SNX25: variants seen among roughly 807,000 people sequenced by gnomAD.
SNX25 encodes sorting nexin 25, also known as sorting nexin-25.
SNX25 carries 62 observed loss-of-function variants against 113.7 expected under a neutral mutation model. The ratio of observed to expected loss-of-function variants is 0.55; its 90% CI spans 0.44 to 0.67. The LOEUF is 0.67. Among genes scored for constraint, SNX25 ranks in the 30% least tolerant of loss-of-function variants. The pLI is 0.00. For missense variants in SNX25, 1,014 were observed against 1,161.0 expected (o/e 0.87, Z 1.84); for synonymous variants, 421 against 436.2 (o/e 0.97, Z 0.43).
chr4:185,378,641 T>C, the SNX25 span: 1 of 988,108 alleles, frequency 1.0e-6, no homozygotes, highest in Non-Finnish European at 1.2e-6. Flanking sequence ...TTGTCTATTT[T>C]ACCTGGGAAT....
chr4:185,225,057 T>C (rs967855846), intron 1 of SNX25, among the ~76,000 whole-genome samples: 1 of 152,166 alleles, frequency 6.6e-6, no homozygotes, highest in Non-Finnish European at 1.5e-5. Context: ...AAAATACATA[T>C]GAGATCTATG....
chr4:185,205,122 T>G (rs1310238088), upstream of SNX25, among the ~76,000 whole-genome samples: 3 of 152,246 alleles, frequency 2.0e-5, no homozygotes, highest in Non-Finnish European at 4.4e-5. Context: ...TTGTTGGTCT[T>G]AATTACCAAA....
intron 7 of SNX25, among the ~76,000 whole-genome samples, chr4:185,311,673 A>T (rs2095031384): frequency 6.6e-6 from 1 of 151,944 alleles, no homozygotes. Flanking sequence ...CTCTAACCTC[A>T]CTTGTTCTGA....
chr4:185,239,468 T>C (rs55916162), intron 1 of SNX25, among the ~76,000 whole-genome samples: 3,057 of 152,126 alleles, frequency 0.02, 79 homozygotes, highest in African/African-American at 0.066. Flanking sequence ...GGCAACAGAG[T>C]GAGACTCCGT....
chr4:185,349,667 T>A (rs2095305809), intron 13 of SNX25, among the ~76,000 whole-genome samples: 1 of 152,220 alleles, frequency 6.6e-6, no homozygotes, highest in Non-Finnish European at 1.5e-5. Context: ...ATACCTGTTT[T>A]CCATTTTTAT....
chr4:185,277,517 T>G (rs1463332910), intron 5 of SNX25, among the ~76,000 whole-genome samples: 1 of 151,986 alleles, frequency 6.6e-6, no homozygotes, highest in African/African-American at 2.4e-5. Flanking sequence ...GTGTTAATAC[T>G]CCCGCCATGG....
chr4:185,290,648 A>G (rs978144778), intron 6 of SNX25, among the ~76,000 whole-genome samples: 5 of 149,616 alleles, frequency 3.3e-5, no homozygotes, highest in Admixed American at 6.6e-5. Context: ...ACATGTTTAT[A>G]TATAAGGACA....
intron 1 of SNX25, among the ~76,000 whole-genome samples, chr4:185,221,608 T>C (rs1440296430): frequency 6.6e-6 from 1 of 152,170 alleles, no homozygotes; most frequent in African/African-American, 2.4e-5. Flanking sequence ...ATTGATTCTT[T>C]TGAAAATGCA....
At chr4:185,357,826 TA>T in intron 16 of SNX25, 89 bp downstream of exon 16, 1 of 1,063,302 alleles carries the variant, frequency 9.4e-7, no homozygotes, top group Non-Finnish European at 1.4e-6. Flanking sequence ...GCCAGTCATT[TA>T]ACTGAAAGTC....
intron 9 of SNX25, among the ~76,000 whole-genome samples, chr4:185,324,945 A>C (rs1013939181): frequency 6.6e-6 from 1 of 152,172 alleles, no homozygotes; most frequent in Non-Finnish European, 1.5e-5. Context: ...TAATCCTGTC[A>C]TTTAAAAATT....
chr4:185,318,779 C>T (rs115775044), intron 7 of SNX25, among the ~76,000 whole-genome samples: 2,154 of 152,250 alleles, frequency 0.014, 54 homozygotes, highest in African/African-American at 0.048. Flanking sequence ...AGAACTGTAC[C>T]TGATACCAAG....
At chr4:185,301,709 C>G (rs1441581707) in intron 6 of SNX25, among the ~76,000 whole-genome samples, 1 of 151,980 alleles carries the variant, frequency 6.6e-6, no homozygotes, top group Non-Finnish European at 1.5e-5. Flanking sequence ...GCCTCAGACT[C>G]CTAAGTAGCT....
chr4:185,320,617 A>G (rs2095112569), intron 7 of SNX25, 116 bp from the exon 8 acceptor site: 2 of 672,950 alleles, frequency 3.0e-6, no homozygotes, highest in Non-Finnish European at 4.5e-6. Context: ...ATTTTACTTT[A>G]TTCCTTTAAA....
chr4:185,338,278 G>T (rs1297905), intron 10 of SNX25, among the ~76,000 whole-genome samples: 58,153 of 139,128 alleles, frequency 0.42, 14,056 homozygotes, highest in African/African-American at 0.74. Flanking sequence ...TATTCTGTGT[G>T]TTTTTTTTTT....
Position 185,268,608 on chromosome 4 carries a change from A to C in SNX25, c.1091+1453A>C, listed in dbSNP as rs539211835. 4.3e-4 allele frequency among the ~76,000 whole-genome samples: 65 copies of C among 152,328 alleles called. No individual in the cohort carries two copies. In the South Asian group the frequency reaches 9.5e-3, roughly 22 times the overall value. On this transcript the variant is annotated intron_variant, in intron 5 of 18. Transcript: ENST00000652585. ...TGGTAAAACCCTGATGGAAAAGTAA[A>C]ATATTGGTTGAAATTGGGTGTTTGA...
chr4:185,342,343 C>A (rs1490862367), intron 12 of SNX25, among the ~76,000 whole-genome samples: 1 of 152,192 alleles, frequency 6.6e-6, no homozygotes. Context: ...CCAGAGAACC[C>A]TAGAGCTGGA....
intron 6 of SNX25, among the ~76,000 whole-genome samples, chr4:185,304,213 A>C (rs891847449): frequency 6.6e-6 from 1 of 152,242 alleles, no homozygotes; most frequent in Non-Finnish European, 1.5e-5. Flanking sequence ...AGACGTGATC[A>C]TAGCTCACTG....
chr4:185,377,952 A>G, the SNX25 span: 5 of 747,374 alleles, frequency 6.7e-6, no homozygotes. Flanking sequence ...GGGAAAACTC[A>G]AAAGGACTAA....
At chr4:185,371,365 C>T (rs995535578), downstream of SNX25, among the ~76,000 whole-genome samples, 14 of 151,786 alleles carry the variant, frequency 9.2e-5, no homozygotes, top group African/African-American at 2.9e-4. Context: ...TGGTGAAACC[C>T]CGTCTCTACT....
Sources: allele counts gnomAD v4.1 joint callset (sites outside exome capture counted in the v4.1 genomes callset), GRCh38; gene constraint gnomAD v4.1.1; transcripts MANE v1.5; gene names NCBI Gene and HGNC (gene_info 2026-07-23, HGNC 2026-07-21).